RORA: variants seen among roughly 807,000 people sequenced by gnomAD.
The protein encoded by RORA is RAR related orphan receptor A.
A neutral mutation model predicts 69.5 loss-of-function variants in RORA; 7 were observed. That is an observed-to-expected ratio of 0.10 (90% CI 0.06 to 0.19). The LOEUF (loss-of-function observed/expected upper bound fraction) is 0.19, where lower values mean the gene tolerates loss of function less well. RORA is among the 10% of genes least tolerant of loss of function. The pLI, the probability that RORA is intolerant of heterozygous loss-of-function variation, is 1.00. For synonymous variants in RORA, 261 were observed against 240.8 expected (o/e 1.08, Z -0.78); for missense variants, 457 against 663.0 (o/e 0.69, Z 3.41).
intron 1 of RORA, among the ~76,000 whole-genome samples, chr15:61,188,373 G>T (rs2079764633): frequency 6.6e-6 from 1 of 152,334 alleles, no homozygotes; most frequent in South Asian, 2.1e-4. Flanking sequence ...CTGTGGGTGG[G>T]CCGGGTTTGA....
At chr15:61,119,625 G>A (rs559415176) in intron 1 of RORA, among the ~76,000 whole-genome samples, 72 of 152,122 alleles carry the variant, frequency 4.7e-4, no homozygotes, top group Non-Finnish European at 9.1e-4. Flanking sequence ...ATCCTTCAGG[G>A]CTTCCTCCAG....
At chr15:60,942,922 T>C (rs1261088917) in intron 1 of RORA, among the ~76,000 whole-genome samples, 3 of 152,246 alleles carry the variant, frequency 2.0e-5, no homozygotes, top group Admixed American at 1.3e-4. Context: ...CACGAAGCCC[T>C]GTTAGAGTTG....
chr15:60,562,038 G>C (rs572527427), intron 2 of RORA, among the ~76,000 whole-genome samples: 1 of 152,076 alleles, frequency 6.6e-6, no homozygotes, highest in African/African-American at 2.4e-5. Flanking sequence ...CTGCCTCCCA[G>C]GTTCAAGCGA....
intron 1 of RORA, among the ~76,000 whole-genome samples, chr15:61,028,823 C>T (rs999765921): frequency 2.6e-5 from 4 of 152,126 alleles, no homozygotes; most frequent in Admixed American, 6.6e-5. Context: ...TACTGATTCA[C>T]GCTAAAATGC....
At chr15:61,009,156 C>T (rs1895012397) in intron 1 of RORA, among the ~76,000 whole-genome samples, 1 of 152,174 alleles carries the variant, frequency 6.6e-6, no homozygotes, top group African/African-American at 2.4e-5. Flanking sequence ...TCTTCAATGC[C>T]ATCGCTGTTA....
chr15:60,610,068 C>T (rs943476833), intron 2 of RORA, among the ~76,000 whole-genome samples: 1 of 152,028 alleles, frequency 6.6e-6, no homozygotes, highest in Non-Finnish European at 1.5e-5. Context: ...ACAGAAATTG[C>T]CATCAAATAG....
intron 1 of RORA, among the ~76,000 whole-genome samples, chr15:61,005,991 A>G (rs1367593658): frequency 6.6e-6 from 1 of 151,660 alleles, no homozygotes; most frequent in Non-Finnish European, 1.5e-5. Flanking sequence ...TTTTTTTGAG[A>G]AGGAGTCTCG....
At chr15:60,777,577 G>C (rs561823769) in intron 1 of RORA, among the ~76,000 whole-genome samples, 1 of 152,258 alleles carries the variant, frequency 6.6e-6, no homozygotes, top group Non-Finnish European at 1.5e-5. Context: ...TCATTTCTGC[G>C]AGAGAAATTA....
rs144094784 is a variant in RORA, at chr15:61,034,980, C to A, written c.166+194073G>T. On this transcript the variant is annotated intron_variant, in intron 1 of 10. Coordinates refer to ENST00000335670, the MANE Select transcript of RORA (RefSeq NM_134261.3). Reference sequence around the variant, plus strand: ...CAGAAAAATTCAACTATGAAGTTAGCATCACATAAAAAACAATGGAAAATA... The same window carrying A: ...CAGAAAAATTCAACTATGAAGTTAGAATCACATAAAAAACAATGGAAAATA... Among the ~76,000 whole-genome samples the A allele has an allele frequency of 1.7e-3, 265 of 152,190 alleles. 1 individual carries two copies. Among genetic ancestry groups the A allele is most frequent in the African/African-American group, 5.8e-3 (241 of 41,540 alleles).
chr15:61,025,052 C>G (rs537909031), intron 1 of RORA, among the ~76,000 whole-genome samples: 1 of 152,100 alleles, frequency 6.6e-6, no homozygotes, highest in African/African-American at 2.4e-5. Flanking sequence ...TTTAAGATCT[C>G]CGAAGTTTTA....
chr15:60,866,026 C>T (rs1204250180), intron 1 of RORA, among the ~76,000 whole-genome samples: 2 of 152,118 alleles, frequency 1.3e-5, no homozygotes, highest in Non-Finnish European at 2.9e-5. Flanking sequence ...TCACCCCAAG[C>T]ATTTACCATT....
intron 1 of RORA, among the ~76,000 whole-genome samples, chr15:61,218,874 G>C (rs762562098): frequency 1.3e-5 from 2 of 152,072 alleles, no homozygotes; most frequent in Non-Finnish European, 2.9e-5. Flanking sequence ...ACTTGATCCT[G>C]AGCATCTCTA....
Position 61,061,258 on chromosome 15 carries a change from C to T in RORA, c.166+167795G>A, listed in dbSNP as rs2078179619. Among the ~76,000 whole-genome samples, 1 of 151,998 alleles carries T rather than the reference C, an allele frequency of 6.6e-6. No homozygotes were observed. Among genetic ancestry groups the T allele is most frequent in the Non-Finnish European group, 1.5e-5 (1 of 67,984 alleles). ...GTCCCAGCTACTCGGGAGGCTGAGG[C>T]AGGAGAATGGCATGAGCTCGGGAGG... On this transcript the variant is annotated intron_variant, in intron 1 of 10. Coordinates refer to ENST00000335670, the MANE Select transcript of RORA (RefSeq NM_134261.3). This position sits in a 1 kb window ranked among gnomAD's most constrained non-coding sequence, Gnocchi z 4.4.
At chr15:60,543,256 T>A (rs2066959313) in intron 2 of RORA, among the ~76,000 whole-genome samples, 1 of 141,160 alleles carries the variant, frequency 7.1e-6, no homozygotes, top group South Asian at 2.4e-4. Context: ...AGACAAAGTG[T>A]AGAGATTTGA....
At chr15:60,995,943 T>A (rs1467883239) in intron 1 of RORA, among the ~76,000 whole-genome samples, 5 of 152,146 alleles carry the variant, frequency 3.3e-5, no homozygotes. Flanking sequence ...TATCAAATTG[T>A]CCCCTTTCCA....
rs1043703170 is a variant in RORA, at chr15:60,592,680, G to T, written c.197-60829C>A. On this transcript the variant is annotated intron_variant, in intron 2 of 10. Coordinates refer to ENST00000335670, the MANE Select transcript of RORA (RefSeq NM_134261.3). ...GGAGGCAGGCGCGCCCCAGCGCCGC[G>T]CCCCGCCCCGCCCCCGCGGGCAGGT... The T allele has an allele frequency of 4.9e-5, 52 of 1,054,574 alleles. No homozygotes were observed. In the African/African-American group the frequency reaches 7.6e-4, roughly 15 times the overall value. The allele number at this position is 1,054,574 out of a possible 1,614,324, so 65.3% of individuals were successfully genotyped here.
rs1029333552 is a variant in RORA at position 60,811,764 on chromosome 15, A to G, written c.167-133078T>C. ...ATCTCTGCAGAACCGGTCCTGCCCA[A>G]TGGATTTATAATCTGTACCTTTCAA... On this transcript the variant is annotated intron_variant, in intron 1 of 10. Transcript: ENST00000335670. Among the ~76,000 whole-genome samples the G allele has an allele frequency of 1.9e-4, 29 of 152,274 alleles. 1 individual carries two copies. Among genetic ancestry groups the G allele is most frequent in the Non-Finnish European group, 1.0e-4 (7 of 68,028 alleles).
chr15:61,153,011 G>A (rs1228437026), intron 1 of RORA, among the ~76,000 whole-genome samples: 1 of 152,118 alleles, frequency 6.6e-6, no homozygotes, highest in East Asian at 1.9e-4. Flanking sequence ...AATTGAACTG[G>A]CCTTTGAAGG....
chr15:60,617,165 T>C (rs1200079248), intron 2 of RORA, among the ~76,000 whole-genome samples: 3 of 151,936 alleles, frequency 2.0e-5, no homozygotes, highest in Non-Finnish European at 4.4e-5. Context: ...GGACAGGGAG[T>C]GTATCTGTCT....
Sources: gnomAD v4.1 joint callset for allele counts (sites outside exome capture counted in the v4.1 genomes callset) on GRCh38, gnomAD v4.1.1 for gene constraint, Gnocchi (gnomAD v3.1) non-coding constraint, MANE v1.5 for transcripts, NCBI Gene and HGNC (gene_info 2026-07-23, HGNC 2026-07-21) for gene names.